Variants in CACNA2D3 observed in about 807,000 individuals in gnomAD.
CACNA2D3 encodes the protein voltage-dependent calcium channel subunit alpha-2/delta-3.
Under a neutral mutation model 160.6 loss-of-function variants are expected in CACNA2D3, and 60 were observed. That is an observed-to-expected ratio of 0.37 (90% CI 0.30 to 0.46). The LOEUF (loss-of-function observed/expected upper bound fraction) is 0.46, where lower values mean the gene tolerates loss of function less well. Ranked by LOEUF, CACNA2D3 falls within the 20% of genes least tolerant of loss-of-function variation. The pLI, the probability that CACNA2D3 is intolerant of heterozygous loss-of-function variation, is 1.00. For synonymous variants in CACNA2D3, 558 were observed against 492.9 expected (o/e 1.13, Z -1.75); for missense variants, 1,205 against 1,365.0 (o/e 0.88, Z 1.85).
chr3:54,506,603 A>G (rs555192786), intron 5 of CACNA2D3, among the ~76,000 whole-genome samples: 2 of 152,124 alleles, frequency 1.3e-5, no homozygotes, highest in South Asian at 4.1e-4. Flanking sequence ...CTGCAGCTTC[A>G]AAGTTGGTGA....
At chr3:54,424,068 TTTTG>T (rs757573816) in intron 4 of CACNA2D3, among the ~76,000 whole-genome samples, 13 of 151,972 alleles carry the variant, frequency 8.6e-5, no homozygotes, top group East Asian at 1.9e-4. Flanking sequence ...TTTTCCGGGT[TTTTG>T]TTTGTTTGTT....
intron 30 of CACNA2D3, among the ~76,000 whole-genome samples, chr3:54,985,289 G>A (rs759371749): frequency 1.1e-4 from 17 of 152,256 alleles, no homozygotes; most frequent in Non-Finnish European, 2.2e-4. Flanking sequence ...GTGGACTTGA[G>A]CACAGAAATC....
intron 27 of CACNA2D3, among the ~76,000 whole-genome samples, chr3:54,951,523 C>G (rs919913856): frequency 2.6e-5 from 4 of 152,170 alleles, no homozygotes; most frequent in African/African-American, 9.7e-5. Flanking sequence ...TTACTGTGAA[C>G]TTTGAAGCAT....
At chr3:54,538,815 G>A (rs927169120) in intron 5 of CACNA2D3, among the ~76,000 whole-genome samples, 5 of 152,176 alleles carry the variant, frequency 3.3e-5, no homozygotes, top group African/African-American at 7.2e-5. Context: ...TTAAGGGGGC[G>A]GGACCAGAAG....
In CACNA2D3 at chr3:55,026,991, G is replaced by GCA. The variant is rs57849063; in HGVS notation, c.2987+8688_2987+8689dup. The stretch of plus-strand genomic sequence containing the variant: ...CTCTCACCGCTAAGCGCGCATGCAC[G>GCA]CACACACACACACACGCACACACGC... On this transcript the variant is annotated intron_variant, in intron 35 of 37. Coordinates refer to ENST00000474759, the MANE Select transcript of CACNA2D3 (RefSeq NM_018398.3). Among the ~76,000 whole-genome samples, 26 of 151,020 alleles carry GCA rather than the reference G, an allele frequency of 1.7e-4. No individual in the cohort carries two copies. The East Asian group carries it at 2.3e-3, about 14-fold the overall frequency.
At chr3:54,683,962 C>CTTTTTTTT (rs61481695) in intron 11 of CACNA2D3, among the ~76,000 whole-genome samples, 2 of 110,826 alleles carry the variant, frequency 1.8e-5, no homozygotes, top group African/African-American at 8.6e-5. Flanking sequence ...AAATTTCCAC[C>CTTTTTTTT]TTTTTTTTTT....
At chr3:54,567,915 G>A (rs1422377890) in intron 6 of CACNA2D3, among the ~76,000 whole-genome samples, 1 of 152,218 alleles carries the variant, frequency 6.6e-6, no homozygotes, top group Non-Finnish European at 1.5e-5. Context: ...AATGGACGAA[G>A]ATGCCCTTTC....
intron 35 of CACNA2D3, among the ~76,000 whole-genome samples, chr3:55,026,903 G>C (rs530082313): frequency 2.6e-5 from 4 of 152,306 alleles, no homozygotes; most frequent in African/African-American, 9.6e-5. Context: ...TGACATGGTG[G>C]CCTCTTGAAA....
chr3:54,393,096 T>C (rs1045338761), intron 4 of CACNA2D3, among the ~76,000 whole-genome samples: 1 of 152,298 alleles, frequency 6.6e-6, no homozygotes, highest in African/African-American at 2.4e-5. Context: ...GATGGACGCA[T>C]AGAGAAGGGA....
chr3:54,897,158 T>A (rs1700210740), intron 26 of CACNA2D3, among the ~76,000 whole-genome samples: 1 of 152,250 alleles, frequency 6.6e-6, no homozygotes, highest in Non-Finnish European at 1.5e-5. Flanking sequence ...AGTCAGTTTT[T>A]TTAAATGTAG....
chr3:54,224,215 C>T (rs879438512), intron 2 of CACNA2D3, among the ~76,000 whole-genome samples: 6 of 152,072 alleles, frequency 3.9e-5, no homozygotes, highest in African/African-American at 1.2e-4. Context: ...TCATCTCCTG[C>T]GATGATAGTG....
At chr3:54,211,578 A>AT (rs1701372366) in intron 2 of CACNA2D3, among the ~76,000 whole-genome samples, 1 of 152,178 alleles carries the variant, frequency 6.6e-6, no homozygotes, top group African/African-American at 2.4e-5. Flanking sequence ...GAATGACACC[A>AT]TTACCTGCTC....
intron 4 of CACNA2D3, among the ~76,000 whole-genome samples, chr3:54,429,162 A>T (rs987595802): frequency 9.2e-5 from 14 of 152,024 alleles, no homozygotes; most frequent in Admixed American, 5.9e-4. Context: ...ATAGATTTCC[A>T]CTCTTAATGA....
At chr3:54,650,439 C>T (rs565457254) in intron 11 of CACNA2D3, among the ~76,000 whole-genome samples, 2 of 152,278 alleles carry the variant, frequency 1.3e-5, no homozygotes, top group Middle Eastern at 6.8e-3. Context: ...TCTTGACTCA[C>T]TGCAACCTCC....
intron 29 of CACNA2D3, among the ~76,000 whole-genome samples, chr3:54,984,336 A>C (rs1293621358): frequency 6.9e-6 from 1 of 144,580 alleles, no homozygotes; most frequent in Admixed American, 7.3e-5. Flanking sequence ...ACTGTAATTC[A>C]TCATTTTTTA....
intron 11 of CACNA2D3, among the ~76,000 whole-genome samples, chr3:54,708,243 T>C (rs947750692): frequency 3.3e-5 from 5 of 152,208 alleles, no homozygotes; most frequent in Non-Finnish European, 7.3e-5. Flanking sequence ...TCTCTGAGAA[T>C]GAGAAGTAGC....
At chr3:54,372,439 G>C (rs907319176) in intron 3 of CACNA2D3, among the ~76,000 whole-genome samples, 3 of 152,236 alleles carry the variant, frequency 2.0e-5, no homozygotes, top group Admixed American at 6.5e-5. Flanking sequence ...TGTAGGGTGA[G>C]GAGGGGAAAA....
chr3:54,512,397 C>T (rs1319810788), intron 5 of CACNA2D3, among the ~76,000 whole-genome samples: 2 of 152,152 alleles, frequency 1.3e-5, no homozygotes, highest in African/African-American at 4.8e-5. Flanking sequence ...TACTGTGTAA[C>T]AAAAGTTTAC....
intron 9 of CACNA2D3, among the ~76,000 whole-genome samples, chr3:54,583,656 A>G (rs781235791): frequency 1.6e-4 from 24 of 152,326 alleles, no homozygotes; most frequent in Middle Eastern, 3.4e-3. Context: ...TCCTTTGGGT[A>G]TGACTGTTGA....
Sources: allele counts gnomAD v4.1 joint callset (sites outside exome capture counted in the v4.1 genomes callset), GRCh38; gene constraint gnomAD v4.1.1; transcripts MANE v1.5; gene names NCBI Gene and HGNC (gene_info 2026-07-23, HGNC 2026-07-21).